Variants in MARCHF1 observed in about 807,000 individuals in gnomAD.
The protein encoded by MARCHF1 is membrane associated ring-CH-type finger 1, also known as E3 ubiquitin-protein ligase MARCHF1.
Under a neutral mutation model 54.2 loss-of-function variants are expected in MARCHF1, and 40 were observed. The ratio of observed to expected loss-of-function variants is 0.74; its 90% CI spans 0.57 to 0.96. The LOEUF (loss-of-function observed/expected upper bound fraction) is 0.96. Ranked by LOEUF, MARCHF1 falls within the 40% of genes least tolerant of loss-of-function variation. The probability of loss-of-function intolerance (pLI) is 0.00; values close to 1 mark genes in which losing one functional copy is unlikely to be tolerated. For missense variants in MARCHF1, 586 were observed against 656.5 expected (o/e 0.89, Z 1.17); for synonymous variants, 236 against 236.3 (o/e 1.00, Z 0.01).
At chr4:164,108,415 C>G (rs1315769527) in intron 2 of MARCHF1, among the ~76,000 whole-genome samples, 2 of 151,798 alleles carry the variant, frequency 1.3e-5, no homozygotes, top group Non-Finnish European at 2.9e-5. Flanking sequence ...TTCATTCATT[C>G]ATTGTTTTTT....
chr4:164,237,444 T>G (rs1478121832), intron 1 of MARCHF1, among the ~76,000 whole-genome samples: 1 of 152,056 alleles, frequency 6.6e-6, no homozygotes, highest in African/African-American at 2.4e-5. Context: ...TTTCTCTACT[T>G]ACCTATTATC....
intron 1 of MARCHF1, among the ~76,000 whole-genome samples, chr4:164,198,402 G>A (rs570461081): frequency 9.2e-4 from 140 of 152,254 alleles, no homozygotes; most frequent in South Asian, 3.5e-3. Flanking sequence ...ATTTAGAGAG[G>A]AATAATTTTT....
At chr4:164,061,314 T>C (rs1437555639) in intron 2 of MARCHF1, among the ~76,000 whole-genome samples, 1 of 151,862 alleles carries the variant, frequency 6.6e-6, no homozygotes, top group African/African-American at 2.4e-5. Flanking sequence ...TTCCCCACTT[T>C]TATTATTTTT....
chr4:164,261,914 C>T (rs1733477662), intron 1 of MARCHF1, among the ~76,000 whole-genome samples: 1 of 151,848 alleles, frequency 6.6e-6, no homozygotes, highest in African/African-American at 2.4e-5. Context: ...GCTGAGGCAA[C>T]ATGGCAAAAC....
chr4:163,796,177 A>G (rs1747908471), intron 4 of MARCHF1, among the ~76,000 whole-genome samples: 1 of 149,754 alleles, frequency 6.7e-6, no homozygotes, highest in Non-Finnish European at 1.5e-5. Flanking sequence ...GCATATAAAT[A>G]TGTAAATGTG....
chr4:163,543,896 A>G (rs553381398), intron 9 of MARCHF1, among the ~76,000 whole-genome samples: 1 of 152,278 alleles, frequency 6.6e-6, no homozygotes, highest in East Asian at 1.9e-4. Flanking sequence ...AGTTTACTAC[A>G]AAGAGGCCAA....
rs569249176 is a variant in MARCHF1, at chr4:163,586,902, A to C, written c.1011-973T>G. The stretch of plus-strand genomic sequence containing the variant: ...AAGTCTTAGCTTGAAAATATTACAG[A>C]TATGTTCTTAGGAAGAAGCACACCT... On this transcript the variant is annotated intron_variant, in intron 7 of 9. Coordinates refer to ENST00000514618, the MANE Select transcript of MARCHF1 (RefSeq NM_001394959.1). Among the ~76,000 whole-genome samples, 86 of 152,328 alleles carry C rather than the reference A, an allele frequency of 5.6e-4. 1 individual carries two copies. The highest frequency in any genetic ancestry group is 1.9e-3 in the African/African-American group (79 of 41,578).
chr4:163,650,852 GAT>G (rs1470961497), intron 5 of MARCHF1, among the ~76,000 whole-genome samples: 1 of 151,882 alleles, frequency 6.6e-6, no homozygotes, highest in Admixed American at 6.6e-5. Flanking sequence ...GAAACAACTG[GAT>G]ATGTTGTCGT....
rs553239248 is a variant in MARCHF1, at chr4:163,591,431, C to T, written c.1011-5502G>A. The stretch of plus-strand genomic sequence containing the variant: ...GTCATTGCTCTTAAAGCCTATACCA[C>T]ACAGATACAGTCTCTGCTGTTTGTT... On this transcript the variant is annotated intron_variant, in intron 7 of 9. Coordinates refer to ENST00000514618, the MANE Select transcript of MARCHF1 (RefSeq NM_001394959.1). 1.2e-3 allele frequency among the ~76,000 whole-genome samples: 185 copies of T among 152,182 alleles called. 2 individuals are homozygous for T. Among genetic ancestry groups the T allele is most frequent in the Middle Eastern group, 3.4e-3 (1 of 294 alleles).
intron 2 of MARCHF1, among the ~76,000 whole-genome samples, chr4:164,109,933 A>AAAAAAAAAAC (rs1755798807): frequency 6.7e-6 from 1 of 149,980 alleles, no homozygotes; most frequent in Non-Finnish European, 1.5e-5. Flanking sequence ...AAAAAAAAAA[A>AAAAAAAAAAC]AAAGAAAATG....
At chr4:163,893,757 A>T (rs1453914733) in intron 3 of MARCHF1, among the ~76,000 whole-genome samples, 2 of 152,166 alleles carry the variant, frequency 1.3e-5, no homozygotes, top group Non-Finnish European at 2.9e-5. Context: ...AATAATAATG[A>T]TTTTTTAAAG....
chr4:163,574,148 T>A (rs1241133766), intron 8 of MARCHF1, among the ~76,000 whole-genome samples: 1 of 152,064 alleles, frequency 6.6e-6, no homozygotes, highest in Middle Eastern at 3.2e-3. Flanking sequence ...TCGCCCACTT[T>A]TTGATGGGGT....
At chr4:164,238,395 T>C (rs1362717531) in intron 1 of MARCHF1, among the ~76,000 whole-genome samples, 1 of 152,086 alleles carries the variant, frequency 6.6e-6, no homozygotes, top group Admixed American at 6.6e-5. Context: ...TTCCAGATTT[T>C]GCATACCAAA....
intron 5 of MARCHF1, among the ~76,000 whole-genome samples, chr4:163,616,694 C>T (rs563814729): frequency 6.6e-6 from 1 of 151,606 alleles, no homozygotes; most frequent in Admixed American, 6.6e-5. Context: ...GCCTGGGCAA[C>T]ATAGTGAGAC....
At chr4:164,348,184 C>CTT (rs567651251) in intron 1 of MARCHF1, among the ~76,000 whole-genome samples, 3 of 151,138 alleles carry the variant, frequency 2.0e-5, no homozygotes, top group East Asian at 2.0e-4. Flanking sequence ...GAGTATGCTT[C>CTT]TTTTTTTTTG....
At chr4:163,864,810 T>C (rs1750015690) in intron 3 of MARCHF1, among the ~76,000 whole-genome samples, 1 of 151,932 alleles carries the variant, frequency 6.6e-6, no homozygotes, top group South Asian at 2.1e-4. Context: ...AATTAATGAT[T>C]TAATAACACT....
At chr4:163,576,618 T>C (rs1740046177) in intron 8 of MARCHF1, among the ~76,000 whole-genome samples, 1 of 152,084 alleles carries the variant, frequency 6.6e-6, no homozygotes, top group Admixed American at 6.6e-5. Flanking sequence ...CAATTATCTG[T>C]CTAATGTTGT....
At chr4:164,099,287 C>G (rs890763400) in intron 2 of MARCHF1, among the ~76,000 whole-genome samples, 4 of 152,154 alleles carry the variant, frequency 2.6e-5, no homozygotes, top group Non-Finnish European at 4.4e-5. Context: ...TGTGAGAGCT[C>G]TTTCCATTTA....
At chr4:163,896,310 T>G (rs992525238) in intron 3 of MARCHF1, among the ~76,000 whole-genome samples, 1 of 152,216 alleles carries the variant, frequency 6.6e-6, no homozygotes, top group Non-Finnish European at 1.5e-5. Context: ...TCTGTAGCAC[T>G]GCCTGGAAGT....
Sources: allele counts gnomAD v4.1 joint callset (sites outside exome capture counted in the v4.1 genomes callset), GRCh38; gene constraint gnomAD v4.1.1; transcripts MANE v1.5; gene names NCBI Gene and HGNC (gene_info 2026-07-23, HGNC 2026-07-21).